AKAP6: variants seen among roughly 807,000 people sequenced by gnomAD.
AKAP6 encodes the protein A-kinase anchoring protein 6, also known as A-kinase anchor protein 6.
Under a neutral mutation model 188.5 loss-of-function variants are expected in AKAP6, and 58 were observed. That is an observed-to-expected ratio of 0.31 (90% confidence interval 0.25 to 0.38). AKAP6 has a LOEUF of 0.38. Ranked by LOEUF, AKAP6 falls within the 10% of genes least tolerant of loss-of-function variation. AKAP6 has a pLI of 1.00. For synonymous variants in AKAP6, 989 were observed against 998.6 expected (o/e 0.99, Z 0.18); for missense variants, 2,710 against 2,740.0 (o/e 0.99, Z 0.24).
chr14:32,533,432 G>A (rs1315540143), intron 2 of AKAP6, among the ~76,000 whole-genome samples: 1 of 152,132 alleles, frequency 6.6e-6, no homozygotes, highest in East Asian at 1.9e-4. Flanking sequence ...GTGAGGACTG[G>A]GAGAATGAGC....
At chr14:32,537,726 TTGTA>T in intron 3 of AKAP6, among the ~76,000 whole-genome samples, 5 of 152,198 alleles carry the variant, frequency 3.3e-5, no homozygotes, top group Admixed American at 1.3e-4. Flanking sequence ...ATCAGCTCTG[TTGTA>T]GGAGCTGGAG....
At position 32,400,202 on chromosome 14, in the gene AKAP6, G is replaced by A. The variant is rs546867457; in HGVS notation, c.-34-33258G>A. On this transcript the variant is annotated intron_variant, in intron 1 of 13. Coordinates refer to ENST00000280979, the MANE Select transcript of AKAP6 (RefSeq NM_004274.5). ...CCAGAGCTCAGCCTGAGATAGAGGAGGTTCCTTGTTGCTTACTTCTGTGGG... is the reference window on the plus strand; with the variant it reads ...CCAGAGCTCAGCCTGAGATAGAGGAAGTTCCTTGTTGCTTACTTCTGTGGG... Among the ~76,000 whole-genome samples the A allele has an allele frequency of 5.9e-5, 9 of 151,946 alleles. No individual in the cohort carries two copies. In the South Asian group the frequency reaches 1.9e-3, roughly 32 times the overall value.
chr14:32,805,241 G>T (rs1022619614), intron 12 of AKAP6, among the ~76,000 whole-genome samples: 1 of 152,090 alleles, frequency 6.6e-6, no homozygotes, highest in Non-Finnish European at 1.5e-5. Context: ...CCTCTGTTCG[G>T]GGTCCCTGAC....
chr14:32,342,815 C>T (rs1263216380), intron 1 of AKAP6, among the ~76,000 whole-genome samples: 2 of 152,056 alleles, frequency 1.3e-5, no homozygotes, highest in Non-Finnish European at 2.9e-5. Flanking sequence ...TCGGAGAATT[C>T]TCCAAATTGA....
chr14:32,678,721 C>T (rs915370933), intron 8 of AKAP6, among the ~76,000 whole-genome samples: 1 of 152,172 alleles, frequency 6.6e-6, no homozygotes, highest in Non-Finnish European at 1.5e-5. Context: ...GTTTTTGTGA[C>T]TACGATGTGC....
chr14:32,553,150 C>CT (rs1407393539), intron 4 of AKAP6, among the ~76,000 whole-genome samples: 2 of 148,338 alleles, frequency 1.3e-5, no homozygotes, highest in East Asian at 1.9e-4. Flanking sequence ...TTTTCTTTTT[C>CT]TTTTCTTTTT....
chr14:32,406,823 A>G (rs1889311273), intron 1 of AKAP6, among the ~76,000 whole-genome samples: 1 of 152,164 alleles, frequency 6.6e-6, no homozygotes, highest in African/African-American at 2.4e-5. Context: ...GTTTTCATGA[A>G]ATTGTCAAGC....
chr14:32,581,370 AATTTCT>A, intron 5 of AKAP6, among the ~76,000 whole-genome samples: 1 of 152,160 alleles, frequency 6.6e-6, no homozygotes, highest in South Asian at 2.1e-4. Flanking sequence ...AGTTTGTTAT[AATTTCT>A]GTTCTTTTAC....
intron 11 of AKAP6, among the ~76,000 whole-genome samples, chr14:32,763,299 AC>A (rs1355616035): frequency 1.3e-5 from 2 of 152,118 alleles, no homozygotes; most frequent in African/African-American, 4.8e-5. Context: ...TTCTACCATC[AC>A]CATAATAAAA....
At chr14:32,447,641 G>T (rs1159027723) in intron 2 of AKAP6, among the ~76,000 whole-genome samples, 2 of 151,992 alleles carry the variant, frequency 1.3e-5, no homozygotes, top group African/African-American at 2.4e-5. Flanking sequence ...CTAAAGTTTG[G>T]GTCAAGTTAA....
chr14:32,489,712 C>T (rs1056128045), intron 2 of AKAP6, among the ~76,000 whole-genome samples: 1 of 152,220 alleles, frequency 6.6e-6, no homozygotes, highest in Admixed American at 6.5e-5. Flanking sequence ...TACTTTTTGA[C>T]TTAGTGATCA....
chr14:32,738,577 C>A (rs1462625352), intron 11 of AKAP6, among the ~76,000 whole-genome samples: 1 of 151,988 alleles, frequency 6.6e-6, no homozygotes, highest in Admixed American at 6.6e-5. Context: ...ATTATGATGA[C>A]CTTCTTATAT....
chr14:32,774,161 A>G (rs944080902), intron 12 of AKAP6, among the ~76,000 whole-genome samples: 19 of 152,192 alleles, frequency 1.2e-4, no homozygotes, highest in African/African-American at 4.6e-4. Context: ...TCTTTTTGAA[A>G]AAAATCACAT....
At chr14:32,671,264 C>A (rs1046478185) in intron 7 of AKAP6, among the ~76,000 whole-genome samples, 6 of 152,042 alleles carry the variant, frequency 3.9e-5, no homozygotes, top group African/African-American at 1.4e-4. Context: ...ACCCACCAGC[C>A]CTGCTGAAGC....
chr14:32,391,717 A>G (rs992249139), intron 1 of AKAP6, among the ~76,000 whole-genome samples: 1 of 152,174 alleles, frequency 6.6e-6, no homozygotes, highest in African/African-American at 2.4e-5. Context: ...CTGGCCATGT[A>G]AGATGTGACT....
intron 1 of AKAP6, among the ~76,000 whole-genome samples, chr14:32,375,509 A>G (rs1433045421): frequency 6.6e-6 from 1 of 152,018 alleles, no homozygotes; most frequent in African/African-American, 2.4e-5. Context: ...GCAAAAAAAA[A>G]AAAAGTGGCT....
In AKAP6 at chr14:32,400,563, C is replaced by CAAAA. The variant is rs71432051; in HGVS notation, c.-34-32884_-34-32881dup. Among the ~76,000 whole-genome samples the CAAAA allele has an allele frequency of 8.1e-5, 6 of 73,984 alleles. 1 individual carries two copies. Among genetic ancestry groups the CAAAA allele is most frequent in the South Asian group, 7.4e-4 (1 of 1,350 alleles). The allele number at this position is 73,984 out of a possible 152,430, so 48.5% of individuals were successfully genotyped here. Reference sequence around the variant, plus strand: ...TTCAAGATATTTAGTCCACTTTTAGCAAAAAAAAAAAAAAAAGACAGTAAG... The same window carrying CAAAA: ...TTCAAGATATTTAGTCCACTTTTAGCAAAAAAAAAAAAAAAAAAAAGACAGTAAG... On this transcript the variant is annotated intron_variant, in intron 1 of 13. Coordinates refer to ENST00000280979, the MANE Select transcript of AKAP6 (RefSeq NM_004274.5).
intron 12 of AKAP6, among the ~76,000 whole-genome samples, chr14:32,785,559 A>C (rs1391575363): frequency 6.6e-6 from 1 of 152,196 alleles, no homozygotes; most frequent in Non-Finnish European, 1.5e-5. Flanking sequence ...CTTGAATCCA[A>C]AGACGAAAAT....
chr14:32,788,359 G>A (rs1325909119), intron 12 of AKAP6, among the ~76,000 whole-genome samples: 3 of 152,296 alleles, frequency 2.0e-5, no homozygotes, highest in African/African-American at 7.2e-5. Context: ...TAGAAGGGAG[G>A]TTCAAGATGG....
Sources: gnomAD v4.1 joint callset for allele counts (sites outside exome capture counted in the v4.1 genomes callset) on GRCh38, gnomAD v4.1.1 for gene constraint, MANE v1.5 for transcripts, NCBI Gene and HGNC (gene_info 2026-07-23, HGNC 2026-07-21) for gene names.